The following CCDC148 variants were observed in gnomAD, a reference collection of about 807,000 sequenced individuals.
CCDC148 encodes coiled-coil domain-containing protein 148.
CCDC148 carries 89 observed loss-of-function variants against 85.7 expected under a neutral mutation model. The ratio of observed to expected loss-of-function variants is 1.04; its 90% CI spans 0.87 to 1.24. The LOEUF (loss-of-function observed/expected upper bound fraction) is 1.24, where lower values mean the gene tolerates loss of function less well. Among genes scored for constraint, CCDC148 ranks in the 50% most tolerant of loss-of-function variants. CCDC148 has a pLI of 0.00. For missense variants in CCDC148, 692 were observed against 671.7 expected (o/e 1.03, Z -0.33); for synonymous variants, 230 against 213.9 (o/e 1.08, Z -0.66).
At chr2:158,450,558 G>C (rs1275160309) in intron 1 of CCDC148, among the ~76,000 whole-genome samples, 1 of 152,174 alleles carries the variant, frequency 6.6e-6, no homozygotes. Flanking sequence ...CCTTCATTTT[G>C]AAGAACAGTT....
At chr2:158,175,342 T>TTGC (rs1684527119) in intron 13 of CCDC148, among the ~76,000 whole-genome samples, 1 of 151,330 alleles carries the variant, frequency 6.6e-6, no homozygotes, top group African/African-American at 2.4e-5. Context: ...CCTATTTTTG[T>TTGC]TGTTATTATC....
At position 158,326,724 on chromosome 2, in the gene CCDC148, CAT is replaced by C. The variant is rs1420616019; in HGVS notation, c.764+12000_764+12001del. 2.0e-5 allele frequency among the ~76,000 whole-genome samples: 3 copies of C among 152,118 alleles called. No homozygotes were observed. In the East Asian group the frequency reaches 5.8e-4, roughly 29 times the overall value. On this transcript the variant is annotated intron_variant, in intron 7 of 13. Coordinates refer to ENST00000283233, the MANE Select transcript of CCDC148 (RefSeq NM_138803.4). ...AAATTTTTAGAATAGAAACAATACTCATATGGTTCAAAATTCAAAAAGTTTAA... is the reference window on the plus strand; with the variant it reads ...AAATTTTTAGAATAGAAACAATACTCATGGTTCAAAATTCAAAAAGTTTAA...
intron 9 of CCDC148, among the ~76,000 whole-genome samples, chr2:158,258,096 A>G (rs1343842950): frequency 1.3e-5 from 2 of 151,862 alleles, no homozygotes; most frequent in Admixed American, 6.6e-5. Flanking sequence ...GGATCATGAA[A>G]TCAATTTTGT....
intron 7 of CCDC148, among the ~76,000 whole-genome samples, chr2:158,325,078 T>C (rs1692705278): frequency 1.6e-5 from 2 of 125,048 alleles, no homozygotes; most frequent in Admixed American, 1.8e-4. Flanking sequence ...CACTGCTACG[T>C]CTCCTATTTG....
chr2:158,407,252 G>A (rs1264562546), intron 1 of CCDC148, among the ~76,000 whole-genome samples: 1 of 152,170 alleles, frequency 6.6e-6, no homozygotes, highest in African/African-American at 2.4e-5. Context: ...AAGGGCATAT[G>A]CTGCCAGCTC....
intron 10 of CCDC148, among the ~76,000 whole-genome samples, chr2:158,229,776 T>C (rs1020412231): frequency 7.9e-5 from 12 of 152,278 alleles, no homozygotes; most frequent in South Asian, 2.1e-4. Context: ...ACCTTCAGCT[T>C]CTTGCTCTTT....
At chr2:158,306,830 TAAA>T (rs57694988) in intron 9 of CCDC148, among the ~76,000 whole-genome samples, 2 of 135,596 alleles carry the variant, frequency 1.5e-5, no homozygotes, top group Admixed American at 7.6e-5. Flanking sequence ...AGTATAATAA[TAAA>T]AAAAAAAAAC....
intron 11 of CCDC148, among the ~76,000 whole-genome samples, chr2:158,206,597 T>A (rs918759770): frequency 1.3e-5 from 2 of 152,234 alleles, no homozygotes; most frequent in African/African-American, 4.8e-5. Context: ...TGTAAAGAAT[T>A]AGTGACTGGC....
chr2:158,256,969 A>G (rs1689038119), intron 9 of CCDC148, among the ~76,000 whole-genome samples: 1 of 151,816 alleles, frequency 6.6e-6, no homozygotes, highest in Non-Finnish European at 1.5e-5. Context: ...AGATTAGCAC[A>G]GCATCTGCCA....
At position 158,309,657 on chromosome 2, in the gene CCDC148, G is replaced by A. The variant is rs374437284; in HGVS notation, c.904-18C>T. On this transcript the variant is annotated intron_variant, in intron 8 of 13. Transcript: ENST00000283233. ...TGTTCAACCTGAAAAGATAACAGAG[G>A]GTGAATACTTATCATTATGAAAATG... is the stretch of plus-strand genomic sequence containing the variant. 2.6e-5 allele frequency: 40 copies of A among 1,536,512 alleles called. No homozygotes were observed. In the African/African-American group the frequency reaches 5.5e-4, roughly 21 times the overall value.
chr2:158,346,536 C>T (rs1683003211), intron 2 of CCDC148, among the ~76,000 whole-genome samples: 1 of 152,162 alleles, frequency 6.6e-6, no homozygotes, highest in East Asian at 1.9e-4. Context: ...CCTGCATAAA[C>T]ATTTTCCTAC....
Position 158,345,247 on chromosome 2 carries a change from C to A in CCDC148, c.219G>T (p.Trp73Cys). The A allele has an allele frequency of 6.2e-7, 1 of 1,613,556 alleles. No individual in the cohort carries two copies. The highest frequency in any genetic ancestry group is 1.3e-5 in the African/African-American group (1 of 75,014). The change falls in exon 3 of 14, where the codon TGG (tryptophan) becomes TGT (cysteine). Residue 73 changes from tryptophan (W) to cysteine (C), a missense_variant. Coordinates refer to ENST00000283233, the MANE Select transcript of CCDC148 (RefSeq NM_138803.4). The part of the protein sequence containing the change: ...QTLIKQHKQV[W>C]WQEYQRLNEV... Reference sequence around the variant, plus strand: ...CATTCAGCCTCTGGTATTCCTGCCACCACACTTGCTTGTGTTGTTTTATTA... The same window carrying A: ...CATTCAGCCTCTGGTATTCCTGCCAACACACTTGCTTGTGTTGTTTTATTA...
At chr2:158,174,147 A>C (rs544556705) in intron 13 of CCDC148, among the ~76,000 whole-genome samples, 1 of 152,204 alleles carries the variant, frequency 6.6e-6, no homozygotes, top group South Asian at 2.1e-4. Context: ...GGGTACCAAG[A>C]AATATTTTAG....
chr2:158,220,121 C>A (rs947449914), intron 11 of CCDC148, among the ~76,000 whole-genome samples: 1 of 152,130 alleles, frequency 6.6e-6, no homozygotes, highest in African/African-American at 2.4e-5. Flanking sequence ...TCTAAAATTA[C>A]ATACTTCTAG....
intron 1 of CCDC148, among the ~76,000 whole-genome samples, chr2:158,420,912 C>T (rs1301662891): frequency 7.1e-6 from 1 of 141,528 alleles, no homozygotes; most frequent in East Asian, 2.0e-4. Flanking sequence ...AAATAGAAAA[C>T]AAAAAAAAAA....
Position 158,219,977 on chromosome 2 carries a change from T to C in CCDC148, c.1370+618A>G, listed in dbSNP as rs1687088728. Among the ~76,000 whole-genome samples the C allele has an allele frequency of 2.6e-5, 4 of 152,238 alleles. No homozygotes were observed. In the South Asian group the frequency reaches 8.3e-4, roughly 32 times the overall value. ...TTCTATTAAACTTACCCTGTTCAAA[T>C]TACTATATGTTTTTTGTCTCCTAAT... On this transcript the variant is annotated intron_variant, in intron 11 of 13. Transcript: ENST00000283233.
chr2:158,345,339 G>T, intron 2 of CCDC148, 21 bp from the exon 3 acceptor site: 3 of 1,545,196 alleles, frequency 1.9e-6, no homozygotes, highest in Non-Finnish European at 8.9e-7. Context: ...AGGAACAAAA[G>T]AGGAGCAACT....
At chr2:158,354,449 C>T (rs1206678457) in intron 2 of CCDC148, among the ~76,000 whole-genome samples, 3 of 151,722 alleles carry the variant, frequency 2.0e-5, no homozygotes, top group African/African-American at 2.4e-5. Context: ...ACTACAAACA[C>T]CTCTACGCAA....
chr2:158,228,506 T>A (rs1471753446), intron 10 of CCDC148, among the ~76,000 whole-genome samples: 1 of 152,096 alleles, frequency 6.6e-6, no homozygotes, highest in African/African-American at 2.4e-5. Flanking sequence ...GACACATGCA[T>A]ACGTATGTTT....
Sources: allele counts gnomAD v4.1 joint callset (sites outside exome capture counted in the v4.1 genomes callset), GRCh38; gene constraint gnomAD v4.1.1; transcripts MANE v1.5; gene names NCBI Gene and HGNC (gene_info 2026-07-23, HGNC 2026-07-21).